PCCA: variants seen among roughly 807,000 people sequenced by gnomAD.
The protein encoded by PCCA is propionyl-CoA carboxylase alpha chain, mitochondrial.
A neutral mutation model predicts 101.3 loss-of-function variants in PCCA; 74 were observed. The observed-to-expected ratio is 0.73, with a 90% CI of 0.61 to 0.89. The LOEUF (loss-of-function observed/expected upper bound fraction) is 0.89, where lower values mean the gene tolerates loss of function less well. Among genes scored for constraint, PCCA ranks in the 40% least tolerant of loss-of-function variants. The pLI is 0.00. For synonymous variants in PCCA, 294 were observed against 313.6 expected, an observed-to-expected ratio of 0.94 and a Z score of 0.66; for missense variants, 891 against 907.0, an observed-to-expected ratio of 0.98 and a Z score of 0.23.
chr13:100,302,925 AC>A lies in PCCA; in HGVS notation c.1215del (p.Tyr406ThrfsTer43). 1.3e-6 allele frequency: 2 copies of A among 1,579,840 alleles called. No homozygotes were observed. The highest frequency in any genetic ancestry group is 1.7e-6 in the Non-Finnish European group (2 of 1,148,882). On this transcript the variant is annotated frameshift_variant and splice_region_variant, in exon 14 of 24. Coordinates refer to ENST00000376285, the MANE Select transcript of PCCA (RefSeq NM_000282.4). LOFTEE classifies it high-confidence loss of function. ...WAVECRVYAE[D>X]PYKSFGLPSI... Reference sequence around the variant, plus strand: ...GCTTCCTTTCCTTTGAACTTTCAGGACCCCTACAAGTCTTTTGGTTTACCAT... The same window carrying A: ...GCTTCCTTTCCTTTGAACTTTCAGGACCCTACAAGTCTTTTGGTTTACCAT...
chr13:100,259,658 G>T (rs1325210298), intron 9 of PCCA, among the ~76,000 whole-genome samples: 2 of 152,010 alleles, frequency 1.3e-5, no homozygotes, highest in East Asian at 1.9e-4. Flanking sequence ...ATTTGGGTGA[G>T]AATTATGAAG....
intron 7 of PCCA, among the ~76,000 whole-genome samples, chr13:100,227,128 C>G (rs915342763): frequency 2.0e-5 from 3 of 152,126 alleles, no homozygotes; most frequent in East Asian, 3.8e-4. Flanking sequence ...TGCGCCACCA[C>G]GCCCGGCTAA....
At chr13:100,338,291 T>A (rs570195508) in intron 17 of PCCA, among the ~76,000 whole-genome samples, 1 of 152,314 alleles carries the variant, frequency 6.6e-6, no homozygotes, top group East Asian at 1.9e-4. Context: ...ACTGAGGAAC[T>A]TGAAAATATT....
At chr13:100,498,615 C>T (rs1228067801) in intron 21 of PCCA, among the ~76,000 whole-genome samples, 1 of 152,158 alleles carries the variant, frequency 6.6e-6, no homozygotes, top group East Asian at 1.9e-4. Flanking sequence ...CGATTCATCA[C>T]CCCAAAAGGA....
chr13:100,524,681 G>A (rs1216826700), intron 22 of PCCA, among the ~76,000 whole-genome samples: 1 of 152,148 alleles, frequency 6.6e-6, no homozygotes, highest in East Asian at 1.9e-4. Context: ...AGACCAGCCT[G>A]GCCAATGTGG....
intron 20 of PCCA, among the ~76,000 whole-genome samples, chr13:100,427,231 A>G (rs1011706077): frequency 5.9e-5 from 9 of 152,328 alleles, no homozygotes; most frequent in Non-Finnish European, 8.8e-5. Context: ...ACAAACAAAC[A>G]AAACAAACAA....
intron 11 of PCCA, among the ~76,000 whole-genome samples, chr13:100,272,137 C>T (rs1341142681): frequency 6.6e-6 from 1 of 152,088 alleles, no homozygotes; most frequent in African/African-American, 2.4e-5. Context: ...TTTAGCTTAA[C>T]TTGCCTGCTT....
intron 8 of PCCA, chr13:100,237,065 T>C (rs1242154812): frequency 6.6e-6 from 1 of 152,218 alleles, no homozygotes; most frequent in Non-Finnish European, 1.5e-5. Flanking sequence ...TAAGATTATT[T>C]AGATCTATTT....
chr13:100,345,056 C>G (rs973716167), intron 18 of PCCA, among the ~76,000 whole-genome samples: 3 of 152,256 alleles, frequency 2.0e-5, no homozygotes, highest in Non-Finnish European at 4.4e-5. Flanking sequence ...CTCTCACTCT[C>G]CTTGGGTCTC....
chr13:100,203,680 C>G (rs921319401), intron 6 of PCCA, among the ~76,000 whole-genome samples: 1 of 151,908 alleles, frequency 6.6e-6, no homozygotes. Flanking sequence ...GACTTCGTAT[C>G]AAGACAAAAA....
At chr13:100,156,774 T>C (rs982746047) in intron 5 of PCCA, among the ~76,000 whole-genome samples, 5 of 152,166 alleles carry the variant, frequency 3.3e-5, no homozygotes, top group African/African-American at 4.8e-5. Context: ...AGGAATAAAA[T>C]GTGTTAGCTG....
chr13:100,521,782 ATGG>A (rs907638541), intron 22 of PCCA, among the ~76,000 whole-genome samples: 19 of 152,118 alleles, frequency 1.2e-4, no homozygotes, highest in South Asian at 2.1e-4. Flanking sequence ...TAACAATGAA[ATGG>A]TGGGATTTTC....
intron 19 of PCCA, among the ~76,000 whole-genome samples, chr13:100,375,915 C>T (rs1174334379): frequency 6.6e-6 from 1 of 152,220 alleles, no homozygotes; most frequent in Non-Finnish European, 1.5e-5. Context: ...TGCAAAGACA[C>T]ACATAGGCTA....
intron 21 of PCCA, among the ~76,000 whole-genome samples, chr13:100,467,560 C>T (rs970309530): frequency 3.3e-5 from 5 of 152,166 alleles, no homozygotes; most frequent in Admixed American, 6.5e-5. Context: ...TTAGTAGACA[C>T]GGGGTTTCAC....
intron 4 of PCCA, among the ~76,000 whole-genome samples, chr13:100,148,442 C>G (rs997332203): frequency 3.4e-5 from 4 of 116,762 alleles, no homozygotes; most frequent in Non-Finnish European, 6.6e-5. Flanking sequence ...ACTTTTTCCT[C>G]TGCTTTATTC....
chr13:100,230,318 C>T (rs552142011), intron 7 of PCCA, among the ~76,000 whole-genome samples: 4 of 152,072 alleles, frequency 2.6e-5, no homozygotes, highest in East Asian at 1.9e-4. Flanking sequence ...CCGAGGTGGG[C>T]GGATCACCTG....
intron 4 of PCCA, among the ~76,000 whole-genome samples, chr13:100,134,160 G>C (rs1398267552): frequency 6.6e-6 from 1 of 152,042 alleles, no homozygotes; most frequent in African/African-American, 2.4e-5. Flanking sequence ...TGTTAGTTCT[G>C]TCCCTTTAGA....
intron 19 of PCCA, among the ~76,000 whole-genome samples, chr13:100,392,693 G>A (rs1254061251): frequency 6.6e-6 from 1 of 152,158 alleles, no homozygotes; most frequent in South Asian, 2.1e-4. Flanking sequence ...TTTCCTTGGG[G>A]CAGAGGAGGT....
At chr13:100,162,696 A>G (rs1313405255) in intron 6 of PCCA, among the ~76,000 whole-genome samples, 2 of 152,206 alleles carry the variant, frequency 1.3e-5, no homozygotes, top group Admixed American at 1.3e-4. Context: ...TTACTAAGTA[A>G]GGTAACTGAG....
Sources: allele counts gnomAD v4.1 joint callset (sites outside exome capture counted in the v4.1 genomes callset), GRCh38; gene constraint gnomAD v4.1.1; transcripts MANE v1.5; gene names NCBI Gene and HGNC (gene_info 2026-07-23, HGNC 2026-07-21).